The following IMPG2 variants were observed in gnomAD, a reference collection of about 807,000 sequenced individuals.
IMPG2 encodes the protein interphotoreceptor matrix proteoglycan 2, also known as IPM 200.
Under a neutral mutation model 129.2 loss-of-function variants are expected in IMPG2, and 91 were observed. The observed-to-expected ratio is 0.70, with a 90% CI of 0.59 to 0.84. The LOEUF is 0.84. Among genes scored for constraint, IMPG2 ranks in the 40% least tolerant of loss-of-function variants. IMPG2 has a pLI of 0.00. For synonymous variants in IMPG2, 510 were observed against 517.7 expected (o/e 0.99, Z 0.20); for missense variants, 1,430 against 1,461.7 (o/e 0.98, Z 0.35).
intron 6 of IMPG2, among the ~76,000 whole-genome samples, chr3:101,275,000 A>G (rs1186587840): frequency 1.3e-5 from 2 of 152,082 alleles, no homozygotes; most frequent in African/African-American, 4.8e-5. Flanking sequence ...TGGGAAGTGA[A>G]GGTGCAAGAG....
chr3:101,254,125 G>A (rs1706573703), intron 10 of IMPG2, among the ~76,000 whole-genome samples: 1 of 151,970 alleles, frequency 6.6e-6, no homozygotes, highest in Admixed American at 6.6e-5. Context: ...TAAAAAAGTT[G>A]TACTGAAATT....
intron 11 of IMPG2, among the ~76,000 whole-genome samples, chr3:101,247,336 G>A (rs938580099): frequency 2.0e-5 from 3 of 152,166 alleles, no homozygotes; most frequent in Non-Finnish European, 4.4e-5. Flanking sequence ...GGTGGCTCAC[G>A]CCTGTAATCC....
intron 10 of IMPG2, 93 bp downstream of exon 10, chr3:101,257,436 G>T: frequency 6.7e-7 from 1 of 1,484,010 alleles, no homozygotes; most frequent in Non-Finnish European, 9.3e-7. Context: ...CTAGAGAATG[G>T]TCAGAACCTT....
At chr3:101,289,586 A>G (rs1349915624) in intron 4 of IMPG2, among the ~76,000 whole-genome samples, 1 of 152,164 alleles carries the variant, frequency 6.6e-6, no homozygotes, top group African/African-American at 2.4e-5. Context: ...TGGCTGAACC[A>G]TAGAGTTTGA....
intron 4 of IMPG2, among the ~76,000 whole-genome samples, chr3:101,289,637 T>C (rs986630236): frequency 6.6e-6 from 1 of 152,086 alleles, no homozygotes; most frequent in African/African-American, 2.4e-5. Flanking sequence ...CAGGCCTAAC[T>C]GTGAAGAGCC....
intron 3 of IMPG2, among the ~76,000 whole-genome samples, chr3:101,298,367 C>G (rs565155190): frequency 6.3e-4 from 96 of 151,980 alleles, no homozygotes; most frequent in Admixed American, 1.2e-3. Context: ...CTGTCTGTGT[C>G]TTTTAATTAG....
chr3:101,276,066 T>C (rs1201360107), intron 5 of IMPG2, among the ~76,000 whole-genome samples: 2 of 152,072 alleles, frequency 1.3e-5, no homozygotes, highest in Non-Finnish European at 2.9e-5. Context: ...AAGAAGTAAC[T>C]CCTCTACCAG....
chr3:101,226,855 A>G lies in IMPG2; in HGVS notation c.*114T>C. ...AGTGTGCCCTATATTTAATTTTTTC[A>G]TAGAAAACTCTTCTTCCAACAGTGT... On this transcript the variant is annotated 3_prime_UTR_variant, in exon 19 of 19. Transcript: ENST00000193391. 1 of 1,152,876 alleles carries G rather than the reference A, an allele frequency of 8.7e-7. No individual in the cohort carries two copies. Among genetic ancestry groups the G allele is most frequent in the Non-Finnish European group, 1.3e-6 (1 of 782,750 alleles). 71.4% of individuals were successfully genotyped at this position (1,152,876 alleles called of 1,614,324 possible).
intron 4 of IMPG2, among the ~76,000 whole-genome samples, chr3:101,290,165 T>C (rs894496399): frequency 6.6e-6 from 1 of 152,076 alleles, no homozygotes; most frequent in Non-Finnish European, 1.5e-5. Context: ...TCTGTTGCAA[T>C]GGCAATCACA....
At chr3:101,291,669 C>A (rs2107126731) in intron 3 of IMPG2, among the ~76,000 whole-genome samples, 159 bp from the exon 4 acceptor site, 1 of 152,148 alleles carries the variant, frequency 6.6e-6, no homozygotes, top group East Asian at 1.9e-4. Context: ...ATAATGATAC[C>A]AAGTTTGTTT....
chr3:101,259,963 A>G (rs1238201038), intron 9 of IMPG2, among the ~76,000 whole-genome samples: 1 of 152,062 alleles, frequency 6.6e-6, no homozygotes, highest in African/African-American at 2.4e-5. Context: ...TGGCACATAT[A>G]TTTCTCATTT....
chr3:101,280,821 T>C (rs1706885366), intron 4 of IMPG2, among the ~76,000 whole-genome samples: 1 of 151,906 alleles, frequency 6.6e-6, no homozygotes, highest in Admixed American at 6.6e-5. Flanking sequence ...TAGTGGCACA[T>C]GCCTGTAATC....
At chr3:101,276,356 C>G (rs190048826) in intron 5 of IMPG2, among the ~76,000 whole-genome samples, 1 of 152,120 alleles carries the variant, frequency 6.6e-6, no homozygotes, top group African/African-American at 2.4e-5. Context: ...AATGGTTCTA[C>G]GTTTTGACAT....
chr3:101,318,947 A>G (rs891617991), intron 2 of IMPG2, among the ~76,000 whole-genome samples: 1 of 152,130 alleles, frequency 6.6e-6, no homozygotes, highest in Non-Finnish European at 1.5e-5. Flanking sequence ...ATCATTTTAG[A>G]TGTGAAAATT....
At chr3:101,267,396 A>G (rs1265073928) in intron 9 of IMPG2, 115 bp downstream of exon 9, 21 of 886,052 alleles carry the variant, frequency 2.4e-5, no homozygotes, top group Non-Finnish European at 3.9e-5. Flanking sequence ...AAAGTCAGAC[A>G]GTGATATTGG....
intron 2 of IMPG2, among the ~76,000 whole-genome samples, chr3:101,319,284 C>A (rs138245341): frequency 6.6e-6 from 1 of 152,000 alleles, no homozygotes; most frequent in Admixed American, 6.6e-5. Context: ...TCTTACATAA[C>A]GCACCAAAAG....
chr3:101,303,107 C>G (rs930112619), intron 3 of IMPG2, among the ~76,000 whole-genome samples: 1 of 152,146 alleles, frequency 6.6e-6, no homozygotes, highest in East Asian at 1.9e-4. Context: ...ATTATTTCCT[C>G]AGTCTCTGTA....
At position 101,226,771 on chromosome 3, in the gene IMPG2, A is replaced by G. The variant is rs1706229057; in HGVS notation, c.*198T>C. On this transcript the variant is annotated 3_prime_UTR_variant, in exon 19 of 19. Transcript: ENST00000193391. ...TTTAAACACAGCATTCAGTCTTTAT[A>G]GAAATAAAAATGGTAACATCTCTTA... 3.3e-6 allele frequency: 2 copies of G among 597,788 alleles called. No homozygotes were observed. The highest frequency in any genetic ancestry group is 1.9e-5 in the African/African-American group (1 of 53,616). 37.0% of individuals were successfully genotyped at this position (597,788 alleles called of 1,614,324 possible). A position where few individuals can be genotyped will look rare whatever the true frequency, so the allele number is the denominator to read the frequency against.
chr3:101,294,539 G>A (rs1707057686), intron 3 of IMPG2, among the ~76,000 whole-genome samples: 1 of 152,092 alleles, frequency 6.6e-6, no homozygotes, highest in African/African-American at 2.4e-5. Context: ...TGTAAATAGT[G>A]GTGCAATAAA....
Sources: gnomAD v4.1 joint callset for allele counts (sites outside exome capture counted in the v4.1 genomes callset) on GRCh38, gnomAD v4.1.1 for gene constraint, MANE v1.5 for transcripts, NCBI Gene and HGNC (gene_info 2026-07-23, HGNC 2026-07-21) for gene names.